Variants in PKP2 observed in about 807,000 individuals in gnomAD.
The protein encoded by PKP2 is plakophilin-2.
In PKP2, 73 loss-of-function variants were observed where a neutral mutation model predicts 83.4. The observed-to-expected ratio is 0.88, with a 90% CI of 0.72 to 1.06. The LOEUF is 1.06. Ranked by LOEUF, PKP2 falls within the 50% of genes least tolerant of loss-of-function variation. The probability of loss-of-function intolerance (pLI) is 0.00; values close to 1 mark genes in which losing one functional copy is unlikely to be tolerated. For synonymous variants in PKP2, 409 were observed against 430.4 expected (o/e 0.95, Z 0.62); for missense variants, 966 against 1,065.4 (o/e 0.91, Z 1.30).
Position 32,837,629 on chromosome 12 carries a change from C to A in PKP2, c.1556+3399G>T, listed in dbSNP as rs142312944. 9.8e-4 allele frequency among the ~76,000 whole-genome samples: 149 copies of A among 152,264 alleles called. 1 individual carries two copies. Among genetic ancestry groups the A allele is most frequent in the Non-Finnish European group, 1.6e-3 (106 of 68,004 alleles). ...CAAATGAGTGGTCTGGACTGTTTTGCAAACACTGTTTAAAACAGTGCTATT... is the reference window on the plus strand; with the variant it reads ...CAAATGAGTGGTCTGGACTGTTTTGAAAACACTGTTTAAAACAGTGCTATT... On this transcript the variant is annotated intron_variant, in intron 6 of 12. Transcript: ENST00000340811.
At chr12:32,799,217 A>C (rs1185011940) in intron 10 of PKP2, among the ~76,000 whole-genome samples, 1 of 152,230 alleles carries the variant, frequency 6.6e-6, no homozygotes, top group Non-Finnish European at 1.5e-5. Context: ...GGAAATGCAA[A>C]TTAAAAGCAC....
At chr12:32,841,532 C>A (rs1956592607) in intron 5 of PKP2, among the ~76,000 whole-genome samples, 1 of 152,212 alleles carries the variant, frequency 6.6e-6, no homozygotes, top group Middle Eastern at 3.2e-3. Context: ...GCTGACCTGA[C>A]CGGGATAATA....
In PKP2 at chr12:32,821,539, C is replaced by G. The variant is rs768000598; in HGVS notation, c.1840-10G>C. The G allele has an allele frequency of 2.7e-5, 43 of 1,613,776 alleles. No homozygotes were observed. The highest frequency in any genetic ancestry group is 3.6e-5 in the Non-Finnish European group (43 of 1,179,896). On this transcript the variant is annotated splice_polypyrimidine_tract_variant and intron_variant, in intron 8 of 12. Coordinates refer to ENST00000340811, the MANE Select transcript of PKP2 (RefSeq NM_001005242.3). ...GCACGTCCTGGTATTGCTGACCACA[C>G]ACAAAAGGAATCCAGAATTAATGCA...
chr12:32,871,614 C>T (rs1265328771), intron 3 of PKP2, among the ~76,000 whole-genome samples: 1 of 152,064 alleles, frequency 6.6e-6, no homozygotes, highest in Non-Finnish European at 1.5e-5. Context: ...TACAAGCACC[C>T]ACCACCACGC....
chr12:32,793,219 G>A (rs755126121), intron 11 of PKP2, among the ~76,000 whole-genome samples: 18 of 152,002 alleles, frequency 1.2e-4, no homozygotes, highest in Non-Finnish European at 1.8e-4. Flanking sequence ...CCAGCCTGGT[G>A]ACAAAGCTAG....
At chr12:32,837,259 G>C (rs1956551928) in intron 6 of PKP2, among the ~76,000 whole-genome samples, 1 of 152,174 alleles carries the variant, frequency 6.6e-6, no homozygotes, top group Non-Finnish European at 1.5e-5. Flanking sequence ...CTAGCATACT[G>C]ACTAAGACCT....
At position 32,878,471 on chromosome 12, in the gene PKP2, C is replaced by T. The variant is rs781739949; in HGVS notation, c.409G>A (p.Glu137Lys). The change falls in exon 3 of 13, where the codon GAA becomes AAA. Residue 137 changes from glutamate to lysine, a missense_variant. Transcript: ENST00000340811. Reference protein sequence around the residue: ...TAQYSSQKSVEERSLRHPLRR... With the variant: ...TAQYSSQKSVKERSLRHPLRR... ...AGAGGATGCCTCAAGGACCTTTCTT[C>T]CACGGACTTCTGGGAGCTGTACTGT... is the stretch of plus-strand genomic sequence containing the variant. The T allele has an allele frequency of 1.9e-6, 3 of 1,613,902 alleles. No homozygotes were observed. The highest frequency in any genetic ancestry group is 2.5e-6 in the Non-Finnish European group (3 of 1,179,950).
chr12:32,890,534 TTC>T (rs1957068109), intron 1 of PKP2, among the ~76,000 whole-genome samples: 1 of 152,248 alleles, frequency 6.6e-6, no homozygotes, highest in Non-Finnish European at 1.5e-5. Flanking sequence ...ATGCTTAAGT[TTC>T]TTTTTTTCCA....
At chr12:32,853,489 G>A (rs1359420370) in intron 4 of PKP2, among the ~76,000 whole-genome samples, 6 of 147,306 alleles carry the variant, frequency 4.1e-5, no homozygotes, top group Non-Finnish European at 7.4e-5. Flanking sequence ...TCATGGTAAG[G>A]TTTTAAGGTA....
At position 32,811,866 on chromosome 12, in the gene PKP2, T is replaced by A. The variant is rs143534312; in HGVS notation, c.2014-9310A>T. On this transcript the variant is annotated intron_variant, in intron 9 of 12. Coordinates refer to ENST00000340811, the MANE Select transcript of PKP2 (RefSeq NM_001005242.3). ...TTTTTATCAGTTACCCTGAGGGGTA[T>A]CTGCAGGCCATTTTGTCATTTTCAA... Among the ~76,000 whole-genome samples the A allele has an allele frequency of 4.7e-4, 72 of 152,292 alleles. No individual in the cohort carries two copies. In the East Asian group the frequency reaches 0.014, roughly 29 times the overall value.
rs562733081 is a variant in PKP2, at chr12:32,844,615, A to G, written c.1379-3410T>C. Among the ~76,000 whole-genome samples the G allele has an allele frequency of 1.2e-4, 18 of 152,346 alleles. 1 individual carries two copies. The South Asian group carries it at 3.7e-3, about 32-fold the overall frequency. On this transcript the variant is annotated intron_variant, in intron 5 of 12. Transcript: ENST00000340811. Reference sequence around the variant, plus strand: ...TGGCTCACTGAAAGTATAAACTTCTAAGAGAGCTTTGAAGAAAACAGAAAG... The same window carrying G: ...TGGCTCACTGAAAGTATAAACTTCTGAGAGAGCTTTGAAGAAAACAGAAAG...
intron 3 of PKP2, among the ~76,000 whole-genome samples, chr12:32,875,546 C>T (rs7313522): frequency 0.14 from 21,775 of 151,988 alleles, 1,681 homozygotes; most frequent in Middle Eastern, 0.22. Context: ...TGCCTAAAAG[C>T]ATGAACACTT....
intron 9 of PKP2, among the ~76,000 whole-genome samples, chr12:32,809,526 G>A (rs1258037651): frequency 6.6e-6 from 1 of 152,260 alleles, no homozygotes; most frequent in Non-Finnish European, 1.5e-5. Flanking sequence ...TGCTGTGGAA[G>A]TGGGGCCTGC....
At chr12:32,843,821 C>T (rs999763990) in intron 5 of PKP2, among the ~76,000 whole-genome samples, 2 of 152,064 alleles carry the variant, frequency 1.3e-5, no homozygotes, top group African/African-American at 2.4e-5. Context: ...AATTTAAAGA[C>T]AAGTCTGAGG....
At chr12:32,896,373 A>G (rs576295154) in intron 1 of PKP2, 136 bp downstream of exon 1, 1 of 619,272 alleles carries the variant, frequency 1.6e-6, no homozygotes, top group South Asian at 2.3e-5. Flanking sequence ...CAAGTCGGTC[A>G]TACCGAAGAC....
intron 3 of PKP2, among the ~76,000 whole-genome samples, chr12:32,870,992 T>C (rs1956891460): frequency 1.3e-5 from 2 of 152,168 alleles, no homozygotes; most frequent in Admixed American, 1.3e-4. Flanking sequence ...AGTGAAGACT[T>C]CCTCAGCAAG....
intron 1 of PKP2, among the ~76,000 whole-genome samples, chr12:32,886,656 C>A (rs1295481983): frequency 6.6e-6 from 1 of 152,160 alleles, no homozygotes; most frequent in South Asian, 2.1e-4. Context: ...CCCAAGTAAG[C>A]ATTTGCTTAG....
At position 32,792,229 on chromosome 12, in the gene PKP2, A is replaced by G. The variant is rs1382746193; in HGVS notation, c.*195T>C. ...TTTGTCGAGCCTGTGGCCGGTATCT[A>G]CTGGTGGCAAACTTGCAAAGGTCTT... is the stretch of plus-strand genomic sequence containing the variant. On this transcript the variant is annotated 3_prime_UTR_variant, in exon 13 of 13. Transcript: ENST00000340811. 3.2e-6 allele frequency: 2 copies of G among 633,068 alleles called. No individual in the cohort carries two copies. Among genetic ancestry groups the G allele is most frequent in the Admixed American group, 2.5e-5 (1 of 40,714 alleles). The allele number at this position is 633,068 out of a possible 1,614,324, so 39.2% of individuals were successfully genotyped here.
At position 32,850,565 on chromosome 12, in the gene PKP2, C is replaced by CA. The variant is rs796225848; in HGVS notation, c.1378+200dup. On this transcript the variant is annotated intron_variant, in intron 5 of 12. Transcript: ENST00000340811. Reference sequence around the variant, plus strand: ...TGGGTGATAGAGCAAGATTCTGTCTCAAAAAAAAAAAAAAGGAATTCGAAT... The same window carrying CA: ...TGGGTGATAGAGCAAGATTCTGTCTCAAAAAAAAAAAAAAAGGAATTCGAAT... Among the ~76,000 whole-genome samples the CA allele has an allele frequency of 2.8e-3, 321 of 114,100 alleles. 2 individuals carry two copies. Among genetic ancestry groups the CA allele is most frequent in the Middle Eastern group, 4.6e-3 (1 of 218 alleles). 74.9% of individuals were successfully genotyped at this position (114,100 alleles called of 152,430 possible).
Sources: gnomAD v4.1 joint callset for allele counts (sites outside exome capture counted in the v4.1 genomes callset) on GRCh38, gnomAD v4.1.1 for gene constraint, MANE v1.5 for transcripts, NCBI Gene and HGNC (gene_info 2026-07-23, HGNC 2026-07-21) for gene names.